SNTG1: variants seen among roughly 807,000 people sequenced by gnomAD.
SNTG1 encodes syntrophin gamma 1.
Under a neutral mutation model 74.7 loss-of-function variants are expected in SNTG1, and 39 were observed. The observed-to-expected ratio is 0.52, with a 90% CI of 0.40 to 0.68. SNTG1 has a LOEUF of 0.68. Ranked by LOEUF, SNTG1 falls within the 30% of genes least tolerant of loss-of-function variation. The probability of loss-of-function intolerance (pLI) is 0.00; values close to 1 mark genes in which losing one functional copy is unlikely to be tolerated. For synonymous variants in SNTG1, 254 were observed against 217.1 expected, an observed-to-expected ratio of 1.17 and a Z score of -1.49; for missense variants, 685 against 609.5, an observed-to-expected ratio of 1.12 and a Z score of -1.30.
At chr8:50,139,542 C>G (rs1431296531) in intron 1 of SNTG1, among the ~76,000 whole-genome samples, 1 of 152,032 alleles carries the variant, frequency 6.6e-6, no homozygotes, top group African/African-American at 2.4e-5. Context: ...AGTTAAAATC[C>G]CCAAATATAT....
Position 50,146,035 on chromosome 8 carries a change from T to A in SNTG1, c.-102-26526T>A, listed in dbSNP as rs140884753. 1.2e-4 allele frequency among the ~76,000 whole-genome samples: 19 copies of A among 152,018 alleles called. No individual in the cohort carries two copies. In the East Asian group the frequency reaches 2.9e-3, roughly 23 times the overall value. On this transcript the variant is annotated intron_variant, in intron 1 of 18. Coordinates refer to ENST00000642720, the MANE Select transcript of SNTG1 (RefSeq NM_018967.5). Reference sequence around the variant, plus strand: ...TATAGCTAAATATAGATAAATGATTTTGTTAAACTTATTAAGGCACTTTGG... The same window carrying A: ...TATAGCTAAATATAGATAAATGATTATGTTAAACTTATTAAGGCACTTTGG...
intron 2 of SNTG1, among the ~76,000 whole-genome samples, chr8:50,390,705 T>C (rs1386368791): frequency 6.6e-6 from 1 of 152,230 alleles, no homozygotes; most frequent in Non-Finnish European, 1.5e-5. Context: ...CCCATGAACA[T>C]GGAATGTTTT....
At chr8:50,046,884 C>CA (rs1819135574) in intron 1 of SNTG1, among the ~76,000 whole-genome samples, 1 of 152,114 alleles carries the variant, frequency 6.6e-6, no homozygotes, top group African/African-American at 2.4e-5. Context: ...AGCCTTTATA[C>CA]AAATAAGTTT....
intron 11 of SNTG1, among the ~76,000 whole-genome samples, chr8:50,546,082 G>A (rs944809347): frequency 5.9e-5 from 9 of 152,112 alleles, no homozygotes; most frequent in East Asian, 1.9e-4. Flanking sequence ...ATACTATCAC[G>A]TAAGGATGTC....
At chr8:50,401,282 G>C in intron 3 of SNTG1, among the ~76,000 whole-genome samples, 1 of 152,116 alleles carries the variant, frequency 6.6e-6, no homozygotes. Context: ...ATTACCTTTT[G>C]TGTCTGTGAC....
At chr8:50,780,542 T>A (rs2095655964) in intron 18 of SNTG1, among the ~76,000 whole-genome samples, 1 of 152,208 alleles carries the variant, frequency 6.6e-6, no homozygotes, top group Non-Finnish European at 1.5e-5. Context: ...GTGGGATTGG[T>A]GGTGATATCC....
intron 13 of SNTG1, among the ~76,000 whole-genome samples, chr8:50,636,058 C>G (rs556338023): frequency 6.6e-6 from 1 of 151,234 alleles, no homozygotes; most frequent in South Asian, 2.1e-4. Context: ...CTCTTTTGGC[C>G]CAGAGTGTGT....
intron 12 of SNTG1, among the ~76,000 whole-genome samples, chr8:50,566,114 C>G (rs1332129537): frequency 6.6e-6 from 1 of 151,744 alleles, no homozygotes. Flanking sequence ...AATGTCCATC[C>G]TCTTATCAAA....
At chr8:50,220,565 G>A (rs2085013396) in intron 2 of SNTG1, among the ~76,000 whole-genome samples, 1 of 152,124 alleles carries the variant, frequency 6.6e-6, no homozygotes, top group Non-Finnish European at 1.5e-5. Context: ...GAACAATAGA[G>A]TGGAAATGTA....
rs192733681 is a variant in SNTG1, at chr8:49,912,664, T to C, written c.-103+433T>C. Among the ~76,000 whole-genome samples, 4 of 152,340 alleles carry C rather than the reference T, an allele frequency of 2.6e-5. No homozygotes were observed. In the East Asian group the frequency reaches 7.7e-4, roughly 29 times the overall value. On this transcript the variant is annotated intron_variant, in intron 1 of 18. Coordinates refer to ENST00000642720, the MANE Select transcript of SNTG1 (RefSeq NM_018967.5). ...CATATTTTATATTGTTATAATATACTAAACTATGCATGGGAACAAATACAT... is the reference window on the plus strand; with the variant it reads ...CATATTTTATATTGTTATAATATACCAAACTATGCATGGGAACAAATACAT...
intron 1 of SNTG1, among the ~76,000 whole-genome samples, chr8:50,012,183 C>A (rs1399536553): frequency 6.6e-6 from 1 of 152,160 alleles, no homozygotes; most frequent in African/African-American, 2.4e-5. Flanking sequence ...TGAGCACTTA[C>A]ACCACATGAG....
chr8:50,040,462 T>C (rs981097476), intron 1 of SNTG1, among the ~76,000 whole-genome samples: 2 of 152,324 alleles, frequency 1.3e-5, no homozygotes, highest in African/African-American at 4.8e-5. Context: ...TATCTTAATT[T>C]GTTAGTGGCC....
intron 1 of SNTG1, among the ~76,000 whole-genome samples, chr8:50,019,624 C>A (rs1585919715): frequency 6.6e-6 from 1 of 152,006 alleles, no homozygotes; most frequent in Non-Finnish European, 1.5e-5. Flanking sequence ...ACTTTAAGAA[C>A]CTCTTAATTC....
intron 13 of SNTG1, among the ~76,000 whole-genome samples, chr8:50,647,014 T>TA (rs994569430): frequency 3.9e-5 from 6 of 151,980 alleles, no homozygotes; most frequent in Non-Finnish European, 8.8e-5. Context: ...ACATGAGGAA[T>TA]AAAAAAATAA....
intron 12 of SNTG1, among the ~76,000 whole-genome samples, chr8:50,589,822 G>A (rs2094680309): frequency 6.6e-6 from 1 of 152,058 alleles, no homozygotes; most frequent in African/African-American, 2.4e-5. Context: ...TTAGCTGAAG[G>A]CATATATGAG....
At chr8:50,074,919 C>T (rs919651961) in intron 1 of SNTG1, among the ~76,000 whole-genome samples, 2 of 152,170 alleles carry the variant, frequency 1.3e-5, no homozygotes, top group Admixed American at 6.5e-5. Flanking sequence ...CACGCGAGTT[C>T]GGGGTGGGCA....
At chr8:50,502,962 C>A (rs2093975929) in intron 9 of SNTG1, 82 bp downstream of exon 9, 5 of 1,197,174 alleles carry the variant, frequency 4.2e-6, no homozygotes, top group Admixed American at 2.2e-5. Context: ...TTGGTGATTT[C>A]TTCTTAAAGT....
chr8:50,372,308 A>T (rs989463097), intron 2 of SNTG1, among the ~76,000 whole-genome samples: 3 of 151,384 alleles, frequency 2.0e-5, no homozygotes, highest in South Asian at 4.2e-4. Context: ...GTTACCATGG[A>T]TCTAACATAA....
At chr8:50,232,183 A>G (rs1461209580) in intron 2 of SNTG1, among the ~76,000 whole-genome samples, 1 of 151,512 alleles carries the variant, frequency 6.6e-6, no homozygotes, top group Non-Finnish European at 1.5e-5. Flanking sequence ...TCTTAAAAAT[A>G]TAGATGTAAA....
Sources: gnomAD v4.1 joint callset for allele counts (sites outside exome capture counted in the v4.1 genomes callset) on GRCh38, gnomAD v4.1.1 for gene constraint, MANE v1.5 for transcripts, NCBI Gene and HGNC (gene_info 2026-07-23, HGNC 2026-07-21) for gene names.